Variants in PRKAG2 observed in about 807,000 individuals in gnomAD.
PRKAG2 encodes protein kinase AMP-activated non-catalytic subunit gamma 2.
PRKAG2 carries 26 observed loss-of-function variants against 69.6 expected under a neutral mutation model. The ratio of observed to expected loss-of-function variants is 0.37; its 90% CI spans 0.27 to 0.52. The LOEUF (loss-of-function observed/expected upper bound fraction) is 0.52. Among genes scored for constraint, PRKAG2 ranks in the 20% least tolerant of loss-of-function variants. The probability of loss-of-function intolerance (pLI) is 0.90; values close to 1 mark genes in which losing one functional copy is unlikely to be tolerated. For synonymous variants in PRKAG2, 293 were observed against 285.0 expected, an observed-to-expected ratio of 1.03 and a Z score of -0.28; for missense variants, 557 against 740.0, an observed-to-expected ratio of 0.75 and a Z score of 2.87.
Position 151,632,292 on chromosome 7 carries a change from G to A in PRKAG2, c.685-154C>T. 2 of 958,436 alleles carry A rather than the reference G, an allele frequency of 2.1e-6. No homozygotes were observed. Among genetic ancestry groups the A allele is most frequent in the Admixed American group, 6.2e-5 (1 of 16,066 alleles). 59.4% of individuals were successfully genotyped at this position (958,436 alleles called of 1,614,324 possible). A position where few individuals can be genotyped will look rare whatever the true frequency, so the allele number is the denominator to read the frequency against. ...ACGCGGGCAGCGGGGGCCGGGGGCG[G>A]AGCGGGAGCGCTGCCCCCACCCGCC... On this transcript the variant is annotated intron_variant, in intron 4 of 15. Transcript: ENST00000287878. This position sits in a 1 kb window ranked among gnomAD's most constrained non-coding sequence, Gnocchi z 4.2.
intron 3 of PRKAG2, among the ~76,000 whole-genome samples, chr7:151,726,338 C>G (rs949150595): frequency 2.6e-5 from 4 of 151,588 alleles, no homozygotes; most frequent in Non-Finnish European, 2.9e-5. Flanking sequence ...AGTGAAGACA[C>G]AGCACCTGCT....
chr7:151,813,654 G>T (rs1210146608), intron 1 of PRKAG2, among the ~76,000 whole-genome samples: 3 of 152,088 alleles, frequency 2.0e-5, no homozygotes, highest in Non-Finnish European at 4.4e-5. Context: ...CTGGTTCTCA[G>T]CCTCCCCCTC....
rs535896075 is a variant in PRKAG2, at chr7:151,777,211, G to A, written c.466+3941C>T. ...GGGCCCCGAGGTCTAGCTCTTCACT[G>A]CGGCAGCACCCCATGTGGACACCAG... is the stretch of plus-strand genomic sequence containing the variant. On this transcript the variant is annotated intron_variant, in intron 3 of 15. Transcript: ENST00000287878. The surrounding 1 kb of genome is among the most constrained non-coding windows in gnomAD (Gnocchi z 4.3). Among the ~76,000 whole-genome samples, 125 of 152,340 alleles carry A rather than the reference G, an allele frequency of 8.2e-4. 1 individual carries two copies. The highest frequency in any genetic ancestry group is 1.6e-3 in the Non-Finnish European group (106 of 68,028).
chr7:151,666,128 C>T (rs180711990), intron 4 of PRKAG2, among the ~76,000 whole-genome samples: 1 of 152,192 alleles, frequency 6.6e-6, no homozygotes, highest in Admixed American at 6.5e-5. Context: ...AACAAATCAC[C>T]AAAAACTCAG....
chr7:151,572,311 T>C (rs1388274874), intron 9 of PRKAG2: 4 of 174,320 alleles, frequency 2.3e-5, no homozygotes, highest in Admixed American at 6.2e-5. Flanking sequence ...TCTGATGCAT[T>C]TCTTAATACC....
chr7:151,602,121 A>C (rs536179744), intron 5 of PRKAG2, among the ~76,000 whole-genome samples: 5 of 152,390 alleles, frequency 3.3e-5, no homozygotes, highest in Non-Finnish European at 7.3e-5. Flanking sequence ...CTCCTCGCGC[A>C]GCCGCATGCG....
chr7:151,651,845 A>C (rs1828568597), intron 4 of PRKAG2, among the ~76,000 whole-genome samples: 1 of 152,194 alleles, frequency 6.6e-6, no homozygotes, highest in South Asian at 2.1e-4. Flanking sequence ...TGTAGATTAT[A>C]AACAGTGAAA....
intron 3 of PRKAG2, among the ~76,000 whole-genome samples, chr7:151,768,501 T>C (rs1191670434): frequency 6.6e-6 from 1 of 152,188 alleles, no homozygotes; most frequent in African/African-American, 2.4e-5. Context: ...AGTCTCACTC[T>C]ATTGCCCAGG....
rs1301256658 is a variant in PRKAG2, at chr7:151,814,360, C to G, written c.115-27819G>C. On this transcript the variant is annotated intron_variant, in intron 1 of 15. Transcript: ENST00000287878. This position sits in a 1 kb window ranked among gnomAD's most constrained non-coding sequence, Gnocchi z 4.8. ...CATCGTGAGGGGGAAAACCGCACAC[C>G]CAGGGACGCACAATCACTATGCATT... 15 of 1,160,384 alleles carry G rather than the reference C, an allele frequency of 1.3e-5. No homozygotes were observed. Among genetic ancestry groups the G allele is most frequent in the Non-Finnish European group, 1.6e-5 (15 of 932,244 alleles). 71.9% of individuals were successfully genotyped at this position (1,160,384 alleles called of 1,614,324 possible).
At chr7:151,870,154 TAGGCAGGCAGGCAGGCAGGC>T (rs200063326) in intron 1 of PRKAG2, among the ~76,000 whole-genome samples, 3 of 138,322 alleles carry the variant, frequency 2.2e-5, no homozygotes, top group Admixed American at 7.1e-5. Flanking sequence ...GATAGATAGA[TAGGCAGGCAGGCAGGCAGGC>T]AGGCAGGCAG....
intron 1 of PRKAG2, among the ~76,000 whole-genome samples, chr7:151,873,131 C>G (rs912764449): frequency 1.3e-5 from 2 of 152,218 alleles, no homozygotes; most frequent in African/African-American, 4.8e-5. Context: ...CCTTCCTGAT[C>G]CAGTCTCAAA....
chr7:151,748,304 A>G (rs1296990121), intron 3 of PRKAG2, among the ~76,000 whole-genome samples: 1 of 152,220 alleles, frequency 6.6e-6, no homozygotes, highest in Non-Finnish European at 1.5e-5. Context: ...AATGTAAACA[A>G]TAGATAGTAT....
At chr7:151,643,290 CCAAGTCACAAA>C (rs1309720407) in intron 4 of PRKAG2, among the ~76,000 whole-genome samples, 9 of 152,136 alleles carry the variant, frequency 5.9e-5, no homozygotes, top group African/African-American at 2.2e-4. Flanking sequence ...CTTAATGCAG[CCAAGTCACAAA>C]CTTTGAAATA....
intron 5 of PRKAG2, among the ~76,000 whole-genome samples, chr7:151,616,261 G>A (rs920255635): frequency 6.6e-6 from 1 of 152,142 alleles, no homozygotes; most frequent in African/African-American, 2.4e-5. Context: ...AGGGCGGGAG[G>A]AAGCAGGTGC....
intron 1 of PRKAG2, among the ~76,000 whole-genome samples, chr7:151,871,197 T>C (rs1482634104): frequency 2.6e-5 from 4 of 152,228 alleles, no homozygotes; most frequent in African/African-American, 9.6e-5. Context: ...TGCTTTTTCT[T>C]AGACCGACAT....
chr7:151,569,069 TTTTGG>T (rs1350132095), intron 10 of PRKAG2, among the ~76,000 whole-genome samples: 4 of 152,202 alleles, frequency 2.6e-5, no homozygotes, highest in Non-Finnish European at 5.9e-5. Flanking sequence ...AGGAGATTTT[TTTTGG>T]TTTGTTTTTT....
intron 3 of PRKAG2, among the ~76,000 whole-genome samples, chr7:151,687,590 G>GT (rs768223413): frequency 6.6e-6 from 1 of 152,230 alleles, no homozygotes; most frequent in Non-Finnish European, 1.5e-5. Context: ...ATCATAGGTG[G>GT]TAAGAATGGG....
At chr7:151,866,313 CA>C (rs920771186) in intron 1 of PRKAG2, among the ~76,000 whole-genome samples, 13 of 152,306 alleles carry the variant, frequency 8.5e-5, no homozygotes, top group South Asian at 2.1e-4. Flanking sequence ...AAAAACCTGA[CA>C]AGACACAACA....
At chr7:151,791,073 G>A (rs1327542555) in intron 1 of PRKAG2, among the ~76,000 whole-genome samples, 1 of 152,204 alleles carries the variant, frequency 6.6e-6, no homozygotes, top group African/African-American at 2.4e-5. Flanking sequence ...ACTCAGGTGT[G>A]TGTGCCTGCC....
Sources: gnomAD v4.1 joint callset for allele counts (sites outside exome capture counted in the v4.1 genomes callset) on GRCh38, gnomAD v4.1.1 for gene constraint, Gnocchi (gnomAD v3.1) non-coding constraint, MANE v1.5 for transcripts, NCBI Gene and HGNC (gene_info 2026-07-23, HGNC 2026-07-21) for gene names.